The following KLF8 variants were observed in gnomAD, a reference collection of about 807,000 sequenced individuals.
The protein encoded by KLF8 is Krueppel-like factor 8.
KLF8 carries 10 observed loss-of-function variants against 18.2 expected under a neutral mutation model. The observed-to-expected ratio is 0.55, with a 90% CI of 0.34 to 0.93. The LOEUF (loss-of-function observed/expected upper bound fraction) is 0.93. Ranked by LOEUF, KLF8 falls within the 40% of genes least tolerant of loss-of-function variation. The probability of loss-of-function intolerance (pLI) is 0.02; values close to 1 mark genes in which losing one functional copy is unlikely to be tolerated. For missense variants in KLF8, 264 were observed against 277.9 expected, an observed-to-expected ratio of 0.95 and a Z score of 0.36; for synonymous variants, 109 against 97.3, an observed-to-expected ratio of 1.12 and a Z score of -0.71.
the KLF8 span, among the ~76,000 whole-genome samples, chrX:56,192,662 T>C: frequency 8.9e-6 from 1 of 111,761 alleles, no homozygotes; most frequent in Non-Finnish European, 1.9e-5. Flanking sequence ...CAAATCCATA[T>C]CTACAGTGAA....
At chrX:56,249,888 A>G (rs1045709927) in intron 1 of KLF8, among the ~76,000 whole-genome samples, 1 of 111,872 alleles carries the variant, frequency 8.9e-6, no homozygotes. Flanking sequence ...AAATATATAT[A>G]TAGGAGCTTG....
the KLF8 span, among the ~76,000 whole-genome samples, chrX:55,942,960 G>C: frequency 9.0e-6 from 1 of 111,588 alleles, no homozygotes; most frequent in Non-Finnish European, 1.9e-5. Context: ...TGACCTGTCC[G>C]GAGACTGTGG....
intron 5 of KLF8, 23 bp from the exon 6 acceptor site, chrX:56,284,290 T>G (rs2067242837): frequency 6.4e-6 from 7 of 1,085,701 alleles, no homozygotes; most frequent in Non-Finnish European, 8.5e-6. Context: ...GATTCTCTTT[T>G]TTTTGTCACA....
chrX:56,113,554 G>GATT, the KLF8 span, among the ~76,000 whole-genome samples: 7 of 34,662 alleles, frequency 2.0e-4, no homozygotes, highest in Non-Finnish European at 3.4e-4. Flanking sequence ...GGCAGGGATA[G>GATT]TTTTTTTTTT....
chrX:56,000,526 A>G, the KLF8 span, among the ~76,000 whole-genome samples: 1 of 97,726 alleles, frequency 1.0e-5, no homozygotes, highest in Non-Finnish European at 2.1e-5. Context: ...CTCATTACTT[A>G]TTATTGGTCT....
At chrX:56,162,194 C>T in the KLF8 span, among the ~76,000 whole-genome samples, 85 of 112,061 alleles carry the variant, frequency 7.6e-4, no homozygotes, top group Non-Finnish European at 1.3e-3. Flanking sequence ...TGGGGTGCCT[C>T]CCAGTTAGGA....
chrX:56,121,788 A>G, the KLF8 span, among the ~76,000 whole-genome samples: 1 of 112,202 alleles, frequency 8.9e-6, no homozygotes, highest in African/African-American at 3.2e-5. Flanking sequence ...GATAGTCCTT[A>G]GTAACTATGG....
At chrX:55,943,128 G>A in the KLF8 span, among the ~76,000 whole-genome samples, 1 of 110,950 alleles carries the variant, frequency 9.0e-6, no homozygotes, top group Non-Finnish European at 1.9e-5. Context: ...TTAATTTTTG[G>A]CATGAGTGAC....
chrX:55,960,891 A>G, the KLF8 span, among the ~76,000 whole-genome samples: 23 of 111,731 alleles, frequency 2.1e-4, no homozygotes, highest in African/African-American at 7.2e-4. Context: ...GGCACAGAGT[A>G]TCAAGCCGGA....
At chrX:56,042,594 C>T in the KLF8 span, among the ~76,000 whole-genome samples, 1 of 111,709 alleles carries the variant, frequency 9.0e-6, no homozygotes, top group Non-Finnish European at 1.9e-5. Flanking sequence ...TTATGTAATG[C>T]CCTTCTTTGT....
chrX:56,193,999 A>C, the KLF8 span, among the ~76,000 whole-genome samples: 1 of 112,023 alleles, frequency 8.9e-6, no homozygotes, highest in Non-Finnish European at 1.9e-5. Flanking sequence ...AAAGGAAAAA[A>C]TGCTTTATGC....
At chrX:56,021,428 T>A in the KLF8 span, among the ~76,000 whole-genome samples, 2 of 111,526 alleles carry the variant, frequency 1.8e-5, no homozygotes, top group Admixed American at 9.5e-5. Context: ...AAAAGCTGTA[T>A]GAATTTTTTT....
chrX:56,050,123 T>A, the KLF8 span, among the ~76,000 whole-genome samples: 1 of 110,291 alleles, frequency 9.1e-6, no homozygotes, highest in East Asian at 2.8e-4. Flanking sequence ...ATCCCCTTTA[T>A]CATTTTTTAT....
intron 2 of KLF8, among the ~76,000 whole-genome samples, chrX:56,257,490 T>G (rs976490024): frequency 5.4e-5 from 6 of 111,195 alleles, no homozygotes; most frequent in Admixed American, 2.9e-4. Flanking sequence ...TATTCAATGG[T>G]TTTTCAACCC....
the KLF8 span, among the ~76,000 whole-genome samples, chrX:56,121,152 C>G: frequency 2.0e-5 from 2 of 102,002 alleles, no homozygotes; most frequent in Middle Eastern, 9.9e-3. Context: ...CGCCACTGCA[C>G]TCCAGCCTGG....
intron 1 of KLF8, among the ~76,000 whole-genome samples, chrX:56,244,324 C>T (rs1267139176): frequency 8.9e-6 from 1 of 111,743 alleles, no homozygotes; most frequent in Admixed American, 9.5e-5. Context: ...ATCCTCTTGC[C>T]TCAGCCTCAC....
At chrX:55,986,539 T>C in the KLF8 span, among the ~76,000 whole-genome samples, 1 of 112,013 alleles carries the variant, frequency 8.9e-6, no homozygotes, top group African/African-American at 3.2e-5. Context: ...AACCTGGATA[T>C]TTTAGCTGAA....
chrX:56,208,816 G>C, the KLF8 span, among the ~76,000 whole-genome samples: 27 of 111,716 alleles, frequency 2.4e-4, no homozygotes, highest in Non-Finnish European at 4.9e-4. Flanking sequence ...ATTGTGTTCA[G>C]AGAAAATACT....
the KLF8 span, among the ~76,000 whole-genome samples, chrX:56,070,302 G>T: frequency 1.8e-5 from 2 of 111,010 alleles, no homozygotes; most frequent in African/African-American, 6.6e-5. Context: ...AATGCATGTG[G>T]GGCTTAAAAC....
Sources: allele counts gnomAD v4.1 joint callset (sites outside exome capture counted in the v4.1 genomes callset), GRCh38; gene constraint gnomAD v4.1.1; transcripts MANE v1.5; gene names NCBI Gene and HGNC (gene_info 2026-07-23, HGNC 2026-07-21).